Variants in KCNB2 observed in about 807,000 individuals in gnomAD.
The protein encoded by KCNB2 is potassium voltage-gated channel subfamily B member 2.
KCNB2 carries 15 observed loss-of-function variants against 61.5 expected under a neutral mutation model. The observed-to-expected ratio is 0.24, with a 90% CI of 0.16 to 0.38. The LOEUF is 0.38. Among genes scored for constraint, KCNB2 ranks in the 10% least tolerant of loss-of-function variants. The pLI, the probability that KCNB2 is intolerant of heterozygous loss-of-function variation, is 1.00. For synonymous variants in KCNB2, 457 were observed against 446.0 expected (o/e 1.02, Z -0.31); for missense variants, 828 against 1,125.2 (o/e 0.74, Z 3.78).
Position 72,895,685 on chromosome 8 carries a change from A to G in KCNB2, c.580-40250A>G, listed in dbSNP as rs145653121. Among the ~76,000 whole-genome samples the G allele has an allele frequency of 2.5e-3, 386 of 152,320 alleles. 2 individuals are homozygous for G. Among genetic ancestry groups the G allele is most frequent in the Middle Eastern group, 0.014 (4 of 294 alleles). Reference sequence around the variant, plus strand: ...AGAGGTGAGGATGAGAGACGAACATAAAGTCACAGGCTCAGGGTTTCATAA... The same window carrying G: ...AGAGGTGAGGATGAGAGACGAACATGAAGTCACAGGCTCAGGGTTTCATAA... On this transcript the variant is annotated intron_variant, in intron 2 of 2. Transcript: ENST00000523207.
chr8:72,760,878 A>G (rs1585877573), intron 2 of KCNB2, among the ~76,000 whole-genome samples: 1 of 152,136 alleles, frequency 6.6e-6, no homozygotes, highest in Admixed American at 6.6e-5. Context: ...CTGTCAGACC[A>G]TATGTTGGAT....
intron 2 of KCNB2, among the ~76,000 whole-genome samples, chr8:72,741,618 C>G (rs1036831280): frequency 6.6e-6 from 1 of 152,000 alleles, no homozygotes; most frequent in Non-Finnish European, 1.5e-5. Flanking sequence ...CATTTTTATG[C>G]CTTTGCATCC....
chr8:72,582,131 G>A (rs889877414), intron 2 of KCNB2, among the ~76,000 whole-genome samples: 1 of 152,178 alleles, frequency 6.6e-6, no homozygotes, highest in Non-Finnish European at 1.5e-5. Flanking sequence ...ACATGAAGCA[G>A]ACTTATTACT....
At chr8:72,702,203 G>A (rs937748495) in intron 2 of KCNB2, among the ~76,000 whole-genome samples, 1 of 152,016 alleles carries the variant, frequency 6.6e-6, no homozygotes, top group African/African-American at 2.4e-5. Flanking sequence ...AACTTTCCTG[G>A]GTTCAAATTC....
At chr8:72,845,425 A>C (rs1809971536) in intron 2 of KCNB2, among the ~76,000 whole-genome samples, 1 of 152,240 alleles carries the variant, frequency 6.6e-6, no homozygotes, top group African/African-American at 2.4e-5. Context: ...TCAGGGACCC[A>C]TGTGAGGAGA....
chr8:72,618,441 A>C (rs1010877230), intron 2 of KCNB2, among the ~76,000 whole-genome samples: 1 of 152,228 alleles, frequency 6.6e-6, no homozygotes, highest in South Asian at 2.1e-4. Context: ...AATAAACATA[A>C]ATTTTTATTA....
intron 2 of KCNB2, among the ~76,000 whole-genome samples, chr8:72,602,756 TC>T (rs1269624530): frequency 6.6e-6 from 1 of 152,128 alleles, no homozygotes; most frequent in African/African-American, 2.4e-5. Flanking sequence ...TGATCTTTGC[TC>T]ATGAGCCTGA....
intron 2 of KCNB2, among the ~76,000 whole-genome samples, chr8:72,629,296 A>G (rs987563167): frequency 3.3e-5 from 5 of 152,202 alleles, no homozygotes; most frequent in East Asian, 1.9e-4. Context: ...CACTGATGTC[A>G]CCTGAAGTTA....
chr8:72,808,060 T>C (rs906583497), intron 2 of KCNB2, among the ~76,000 whole-genome samples: 8 of 152,176 alleles, frequency 5.3e-5, no homozygotes, highest in African/African-American at 1.9e-4. Flanking sequence ...ATGCAAGTTA[T>C]ACAAGAACCA....
chr8:72,586,151 T>C (rs1207665756), intron 2 of KCNB2, among the ~76,000 whole-genome samples: 1 of 152,142 alleles, frequency 6.6e-6, no homozygotes, highest in African/African-American at 2.4e-5. Flanking sequence ...ATTCCCTACC[T>C]CTTACTGCAG....
intron 2 of KCNB2, among the ~76,000 whole-genome samples, chr8:72,681,383 AG>A (rs1806750214): frequency 6.6e-6 from 1 of 152,154 alleles, no homozygotes; most frequent in Non-Finnish European, 1.5e-5. Flanking sequence ...CTAAGAACTA[AG>A]ACAAACGAAC....
intron 2 of KCNB2, among the ~76,000 whole-genome samples, chr8:72,849,018 T>C (rs1046874116): frequency 2.0e-5 from 3 of 150,236 alleles, no homozygotes; most frequent in South Asian, 2.1e-4. Flanking sequence ...TTTAACATTA[T>C]ATAATGTATA....
chr8:72,816,308 A>G (rs887265157), intron 2 of KCNB2, among the ~76,000 whole-genome samples: 8 of 152,334 alleles, frequency 5.3e-5, no homozygotes, highest in Middle Eastern at 3.4e-3. Context: ...ACAGCTGCCA[A>G]TGCATCAGCC....
At chr8:72,780,310 A>G (rs191003809) in intron 2 of KCNB2, among the ~76,000 whole-genome samples, 1 of 152,326 alleles carries the variant, frequency 6.6e-6, no homozygotes, top group East Asian at 1.9e-4. Context: ...TGGTTAATAT[A>G]TGCTTTCCAC....
chr8:72,924,222 T>A (rs1585978655), intron 2 of KCNB2, among the ~76,000 whole-genome samples: 1 of 152,058 alleles, frequency 6.6e-6, no homozygotes, highest in Non-Finnish European at 1.5e-5. Flanking sequence ...ATCTCCAAGG[T>A]TTTTTTCTAG....
chr8:72,920,471 A>ATATATATATATATATGTGTG (rs1323200698), intron 2 of KCNB2, among the ~76,000 whole-genome samples: 8 of 42,260 alleles, frequency 1.9e-4, no homozygotes, highest in Admixed American at 1.3e-3. Context: ...CTATCTATCT[A>ATATATATATATATATGTGTG]TCTATATATA....
chr8:72,755,073 A>G (rs1312880408), intron 2 of KCNB2, among the ~76,000 whole-genome samples: 1 of 152,218 alleles, frequency 6.6e-6, no homozygotes, highest in Non-Finnish European at 1.5e-5. Flanking sequence ...TCCTCCCCCA[A>G]ACCCACAATC....
chr8:72,866,531 C>G (rs746509565), intron 2 of KCNB2, among the ~76,000 whole-genome samples: 3 of 152,164 alleles, frequency 2.0e-5, no homozygotes, highest in Non-Finnish European at 2.9e-5. Context: ...GTTTTCCACT[C>G]CAAAAGTACT....
intron 2 of KCNB2, among the ~76,000 whole-genome samples, chr8:72,764,356 G>A (rs1808430625): frequency 6.6e-6 from 1 of 152,152 alleles, no homozygotes; most frequent in African/African-American, 2.4e-5. Context: ...TCACAAAGAG[G>A]TTGGAGATGT....
Sources: allele counts gnomAD v4.1 joint callset (sites outside exome capture counted in the v4.1 genomes callset), GRCh38; gene constraint gnomAD v4.1.1; transcripts MANE v1.5; gene names NCBI Gene and HGNC (gene_info 2026-07-23, HGNC 2026-07-21).